Variants in HSPBAP1 observed in about 807,000 individuals in gnomAD.
The protein encoded by HSPBAP1 is HSPB1-associated protein 1.
Under a neutral mutation model 45.2 loss-of-function variants are expected in HSPBAP1, and 27 were observed. That is an observed-to-expected ratio of 0.60 (90% CI 0.44 to 0.82). The LOEUF is 0.82. Among genes scored for constraint, HSPBAP1 ranks in the 40% least tolerant of loss-of-function variants. HSPBAP1 has a pLI of 0.00. For missense variants in HSPBAP1, 510 were observed against 590.9 expected (o/e 0.86, Z 1.42); for synonymous variants, 204 against 202.7 (o/e 1.01, Z -0.06).
chr3:122,745,829 T>A (rs933990831), intron 6 of HSPBAP1, among the ~76,000 whole-genome samples: 1 of 152,238 alleles, frequency 6.6e-6, no homozygotes, highest in Non-Finnish European at 1.5e-5. Flanking sequence ...TACTAAGGTC[T>A]ATGGTAAGAA....
intron 2 of HSPBAP1, among the ~76,000 whole-genome samples, chr3:122,773,681 A>C (rs906389164): frequency 6.6e-6 from 1 of 152,154 alleles, no homozygotes; most frequent in Non-Finnish European, 1.5e-5. Context: ...TCTGTCTCCC[A>C]GGCTTGAGTG....
chr3:122,780,911 C>T (rs1410005263), intron 1 of HSPBAP1, among the ~76,000 whole-genome samples: 3 of 79,352 alleles, frequency 3.8e-5, no homozygotes, highest in Non-Finnish European at 9.8e-5. Context: ...CCTCACATCC[C>T]AGACGGGGCG....
At chr3:122,773,524 C>A (rs540925750) in intron 2 of HSPBAP1, among the ~76,000 whole-genome samples, 84 of 152,262 alleles carry the variant, frequency 5.5e-4, no homozygotes, top group African/African-American at 2.0e-3. Flanking sequence ...GCCACGTGCC[C>A]AGGCTGGTCT....
At chr3:122,792,752 T>C (rs1254240121) in intron 1 of HSPBAP1, among the ~76,000 whole-genome samples, 1 of 152,008 alleles carries the variant, frequency 6.6e-6, no homozygotes, top group Non-Finnish European at 1.5e-5. Context: ...ACGCTTGTAG[T>C]CCCAGCTGCT....
chr3:122,753,036 G>A, intron 5 of HSPBAP1: 1 of 969,464 alleles, frequency 1.0e-6, no homozygotes. Context: ...AAACACATAG[G>A]ACGTGGCTTC....
In HSPBAP1 at chr3:122,793,704, C is replaced by T. The variant is rs2107550266; in HGVS notation, c.-24G>A. On this transcript the variant is annotated 5_prime_UTR_variant, in exon 1 of 8. Coordinates refer to ENST00000306103, the MANE Select transcript of HSPBAP1 (RefSeq NM_024610.6). ...ATGGCTACCGCAAGGCGGGTTCTGC[C>T]GGAACCCAAGGCGGAGCGGAGCTGG... 1.2e-6 allele frequency: 2 copies of T among 1,612,646 alleles called. No individual in the cohort carries two copies. The highest frequency in any genetic ancestry group is 1.7e-6 in the Non-Finnish European group (2 of 1,179,200).
chr3:122,753,930 A>G (rs1374314285), intron 5 of HSPBAP1: 3 of 975,008 alleles, frequency 3.1e-6, no homozygotes, highest in Non-Finnish European at 3.7e-6. Flanking sequence ...TGAATTGGCA[A>G]CCACTTCACA....
At chr3:122,790,391 C>T (rs1158677523) in intron 1 of HSPBAP1, among the ~76,000 whole-genome samples, 1 of 152,152 alleles carries the variant, frequency 6.6e-6, no homozygotes, top group Non-Finnish European at 1.5e-5. Flanking sequence ...TCACCTGGCT[C>T]ATCTTCAAGA....
In HSPBAP1 at chr3:122,741,194, C is replaced by A. The variant is rs1199858727; in HGVS notation, c.826-81G>T. 1.0e-5 allele frequency: 10 copies of A among 999,688 alleles called. No homozygotes were observed. The East Asian group carries it at 2.4e-4, about 24-fold the overall frequency. The allele number at this position is 999,688 out of a possible 1,614,324, so 61.9% of individuals were successfully genotyped here. On this transcript the variant is annotated intron_variant, in intron 6 of 7. Coordinates refer to ENST00000306103, the MANE Select transcript of HSPBAP1 (RefSeq NM_024610.6). ...ATAATAAAGTCTGTTTTAATTTCAT[C>A]TTCTGTTCTCTCATTAATATAAGCT...
intron 3 of HSPBAP1, among the ~76,000 whole-genome samples, chr3:122,764,037 C>T (rs895303664): frequency 2.0e-5 from 3 of 152,202 alleles, no homozygotes; most frequent in Non-Finnish European, 2.9e-5. Flanking sequence ...CCTTCTCAAC[C>T]GCTTGTCCCC....
At chr3:122,748,320 C>T (rs2107501258) in intron 6 of HSPBAP1, among the ~76,000 whole-genome samples, 1 of 151,884 alleles carries the variant, frequency 6.6e-6, no homozygotes, top group East Asian at 1.9e-4. Context: ...CTTCCCTCCA[C>T]TATTGTCCTA....
intron 6 of HSPBAP1, among the ~76,000 whole-genome samples, chr3:122,742,921 T>C (rs1224895116): frequency 6.6e-6 from 1 of 152,228 alleles, no homozygotes; most frequent in Non-Finnish European, 1.5e-5. Flanking sequence ...TATTTATAGA[T>C]ATCTACATTT....
intron 1 of HSPBAP1, among the ~76,000 whole-genome samples, chr3:122,781,109 G>C (rs993580741): frequency 6.6e-6 from 1 of 150,676 alleles, no homozygotes; most frequent in Non-Finnish European, 1.5e-5. Context: ...CATCCCAGAC[G>C]ATGGGCGGCC....
rs1286289946 is a variant in HSPBAP1, at chr3:122,752,808, AAAGT to A, written c.742-138_742-135del. On this transcript the variant is annotated intron_variant, in intron 5 of 7. Coordinates refer to ENST00000306103, the MANE Select transcript of HSPBAP1 (RefSeq NM_024610.6). ...CACAATAATATTGCTGGAGAAAAGT[AAAGT>A]AAGAAAAAAAACCCCGCAAACCTTT... is the stretch of plus-strand genomic sequence containing the variant. 5 of 1,393,472 alleles carry A rather than the reference AAAGT, an allele frequency of 3.6e-6. No homozygotes were observed. The African/African-American group carries it at 5.9e-5, about 16-fold the overall frequency. 86.3% of individuals were successfully genotyped at this position (1,393,472 alleles called of 1,614,324 possible).
chr3:122,789,468 AAATT>A (rs1291063150), intron 1 of HSPBAP1, among the ~76,000 whole-genome samples: 1 of 152,352 alleles, frequency 6.6e-6, no homozygotes, highest in African/African-American at 2.4e-5. Flanking sequence ...TTCAGAATTT[AAATT>A]AATTCTTAAT....
Position 122,793,771 on chromosome 3 carries a change from G to T in HSPBAP1, c.-91C>A. 2 of 1,240,386 alleles carry T rather than the reference G, an allele frequency of 1.6e-6. No homozygotes were observed. Among genetic ancestry groups the T allele is most frequent in the Non-Finnish European group, 2.3e-6 (2 of 858,904 alleles). The allele number at this position is 1,240,386 out of a possible 1,614,324, so 76.8% of individuals were successfully genotyped here. ...GGGCCAAACTCCGAGACCCGAAGCT[G>T]CACCACAGGAAGGAGCCCCGGCGAC... On this transcript the variant is annotated 5_prime_UTR_variant, in exon 1 of 8. Coordinates refer to ENST00000306103, the MANE Select transcript of HSPBAP1 (RefSeq NM_024610.6).
Position 122,751,366 on chromosome 3 carries a change from TTAAG to T in HSPBAP1, c.825+1221_825+1224del, listed in dbSNP as rs1002630087. Among the ~76,000 whole-genome samples the T allele has an allele frequency of 3.9e-5, 6 of 152,268 alleles. No individual in the cohort carries two copies. The East Asian group carries it at 7.7e-4, about 20-fold the overall frequency. ...ACAAGAAAATGGAGGCTTGAAGAGATTAAGTAATTATCTATGTTAGACAGCTAAC... is the reference window on the plus strand; with the variant it reads ...ACAAGAAAATGGAGGCTTGAAGAGATTAATTATCTATGTTAGACAGCTAAC... On this transcript the variant is annotated intron_variant, in intron 6 of 7. Coordinates refer to ENST00000306103, the MANE Select transcript of HSPBAP1 (RefSeq NM_024610.6).
At chr3:122,756,169 T>C (rs1275784986) in intron 4 of HSPBAP1, among the ~76,000 whole-genome samples, 3 of 151,924 alleles carry the variant, frequency 2.0e-5, no homozygotes, top group Non-Finnish European at 2.9e-5. Context: ...GATGTCTAGA[T>C]GGGGAGGCAA....
At chr3:122,789,936 C>T (rs1288911440) in intron 1 of HSPBAP1, among the ~76,000 whole-genome samples, 1 of 150,694 alleles carries the variant, frequency 6.6e-6, no homozygotes, top group Non-Finnish European at 1.5e-5. Context: ...GATCTCAACT[C>T]ACTACAACCT....
Sources: allele counts gnomAD v4.1 joint callset (sites outside exome capture counted in the v4.1 genomes callset), GRCh38; gene constraint gnomAD v4.1.1; transcripts MANE v1.5; gene names NCBI Gene and HGNC (gene_info 2026-07-23, HGNC 2026-07-21).